Variants in MYH6 observed in about 807,000 individuals in gnomAD.
MYH6 encodes the protein myosin-6.
Under a neutral mutation model 223.2 loss-of-function variants are expected in MYH6, and 126 were observed. The observed-to-expected ratio is 0.56, with a 90% CI of 0.49 to 0.65. The LOEUF is 0.65. Among genes scored for constraint, MYH6 ranks in the 30% least tolerant of loss-of-function variants. The pLI is 0.00. For synonymous variants in MYH6, 978 were observed against 1,010.2 expected (o/e 0.97, Z 0.61); for missense variants, 2,040 against 2,536.4 (o/e 0.80, Z 4.20).
intron 25 of MYH6, among the ~76,000 whole-genome samples, chr14:23,392,208 T>G (rs951928489): frequency 3.7e-5 from 5 of 136,462 alleles, no homozygotes; most frequent in Non-Finnish European, 8.1e-5. Context: ...CCTTGAAGCC[T>G]TTTTTTTTTT....
intron 25 of MYH6, among the ~76,000 whole-genome samples, chr14:23,390,877 A>G (rs1231515671): frequency 6.6e-6 from 1 of 152,182 alleles, no homozygotes; most frequent in Non-Finnish European, 1.5e-5. Flanking sequence ...CTTGTATTTT[A>G]CAAATATTTG....
At chr14:23,396,643 A>G (rs1441848246) in intron 19 of MYH6, 51 bp downstream of exon 19, 1 of 1,613,882 alleles carries the variant, frequency 6.2e-7, no homozygotes, top group Non-Finnish European at 8.5e-7. Flanking sequence ...TCTCTGCTCC[A>G]CTCAACATGG....
chr14:23,389,998 G>A, intron 26 of MYH6, 59 bp downstream of exon 26: 1 of 1,613,062 alleles, frequency 6.2e-7, no homozygotes, highest in Non-Finnish European at 8.5e-7. Context: ...GAGAGAGAAG[G>A]CATGGGGGAG....
At position 23,388,399 on chromosome 14, in the gene MYH6, G is replaced by A. The variant is rs888115042; in HGVS notation, c.4176-61C>T. On this transcript the variant is annotated intron_variant, in intron 29 of 38. Coordinates refer to ENST00000405093, the MANE Select transcript of MYH6 (RefSeq NM_002471.4). ...CTACTGGGCAACACTGGAGCCTTGG[G>A]TGGACCTCCTTCCACCCCCTCCCTA... 4 of 1,602,898 alleles carry A rather than the reference G, an allele frequency of 2.5e-6. No individual in the cohort carries two copies. In the African/African-American group the frequency reaches 5.4e-5, roughly 21 times the overall value.
In MYH6 at chr14:23,405,668, G is replaced by T. The variant is rs762688602; in HGVS notation, c.304C>A (p.Leu102Ile). ...MLTFLHEPAVLFNLKERYAAW... is the reference protein window; with the variant it reads ...MLTFLHEPAVIFNLKERYAAW... Reference sequence around the variant, plus strand: ...GCGTAGCGCTCCTTGAGGTTGAAAAGCACCGCGGGCTCGTGCAGGAAGGTC... The same window carrying T: ...GCGTAGCGCTCCTTGAGGTTGAAAATCACCGCGGGCTCGTGCAGGAAGGTC... The change falls in exon 4 of 39, where the codon CTT becomes ATT. Residue 102 changes from leucine (L) to isoleucine (I), a missense_variant. Coordinates refer to ENST00000405093, the MANE Select transcript of MYH6 (RefSeq NM_002471.4). This position sits in a 1 kb window ranked among gnomAD's most constrained non-coding sequence, Gnocchi z 4.7. 9.9e-6 allele frequency: 16 copies of T among 1,614,200 alleles called. No homozygotes were observed. In the Admixed American group the frequency reaches 2.7e-4, roughly 27 times the overall value.
intron 34 of MYH6, 57 bp downstream of exon 34, chr14:23,385,871 G>T: frequency 6.2e-7 from 1 of 1,612,618 alleles, no homozygotes; most frequent in Non-Finnish European, 8.5e-7. Flanking sequence ...GGCTTTTCTA[G>T]ATGTCCTGGG....
chr14:23,406,900 C>T, intron 3 of MYH6, 123 bp downstream of exon 3: 1 of 1,090,548 alleles, frequency 9.2e-7, no homozygotes, highest in Non-Finnish European at 1.4e-6. Context: ...GGAGCATGTC[C>T]TGGCATCCCC....
chr14:23,404,900 T>C, intron 6 of MYH6, 78 bp from the exon 7 acceptor site: 3 of 1,518,812 alleles, frequency 2.0e-6, no homozygotes, highest in Non-Finnish European at 2.7e-6. Context: ...ATGCTCCCCT[T>C]CCCAGCCTGG....
At chr14:23,399,160 G>A in intron 14 of MYH6, 123 bp from the exon 15 acceptor site, 3 of 1,185,952 alleles carry the variant, frequency 2.5e-6, no homozygotes, top group African/African-American at 1.5e-5. Flanking sequence ...AAGGGGCGCT[G>A]TGCTGGTACC....
At chr14:23,393,231 A>G (rs1891291113) in intron 23 of MYH6, 111 bp downstream of exon 23, 12 of 1,519,264 alleles carry the variant, frequency 7.9e-6, no homozygotes, top group Admixed American at 5.1e-5. Flanking sequence ...CAGAGAGCAA[A>G]AAAGCTTCAG....
Position 23,405,796 on chromosome 14 carries a change from A to G in MYH6, c.202-26T>C, listed in dbSNP as rs1175252594. ...CTGGAGGGGGCGCATAAGCAGGAGG[A>G]TGAGTGACCACAATCCCTCCGGGAC... On this transcript the variant is annotated intron_variant, in intron 3 of 38. Transcript: ENST00000405093. This position sits in a 1 kb window ranked among gnomAD's most constrained non-coding sequence, Gnocchi z 4.7. The G allele has an allele frequency of 6.2e-7, 1 of 1,613,956 alleles. No homozygotes were observed. Among genetic ancestry groups the G allele is most frequent in the Non-Finnish European group, 8.5e-7 (1 of 1,179,958 alleles).
chr14:23,406,817 A>G (rs1891803090), intron 3 of MYH6, among the ~76,000 whole-genome samples: 2 of 152,172 alleles, frequency 1.3e-5, no homozygotes, highest in Admixed American at 1.3e-4. Flanking sequence ...GGCAGGGGGA[A>G]CATGGCCCTG....
chr14:23,386,766 A>G (rs1891040585), intron 32 of MYH6, 143 bp from the exon 33 acceptor site: 3 of 1,033,512 alleles, frequency 2.9e-6, no homozygotes, highest in Non-Finnish European at 4.2e-6. Context: ...TCTGCACCCC[A>G]TGCCCACCAC....
intron 3 of MYH6, among the ~76,000 whole-genome samples, chr14:23,406,417 G>C (rs535709536): frequency 6.6e-6 from 1 of 152,328 alleles, no homozygotes; most frequent in East Asian, 1.9e-4. Flanking sequence ...AAAAGCCCCA[G>C]GGGATTGTGG....
rs267606904 is a variant in MYH6, at chr14:23,392,968, C to G, written c.3195G>C (p.Gln1065His). 200 of 1,614,216 alleles carry G rather than the reference C, an allele frequency of 1.2e-4. No individual in the cohort carries two copies. Among genetic ancestry groups the G allele is most frequent in the East Asian group, 9.6e-4 (43 of 44,888 alleles). ...CATTTTCCAGGTCCATGATGCTCTC[C>G]TGGGTCAGCTTCAGGTCGCCCTCCA... is the stretch of plus-strand genomic sequence containing the variant. ...RKLEGDLKLTQESIMDLENDK... is the reference protein window; with the variant it reads ...RKLEGDLKLTHESIMDLENDK... Residue 1065 changes from glutamine to histidine, a missense_variant, in exon 24 of 39, where the codon CAG (glutamine) becomes CAC (histidine). Physicochemically the swap from Gln to His is conservative, Grantham distance 24. Transcript: ENST00000405093.
chr14:23,393,257 A>T, intron 23 of MYH6, 85 bp downstream of exon 23: 1 of 1,563,204 alleles, frequency 6.4e-7, no homozygotes, highest in Admixed American at 1.7e-5. Flanking sequence ...ATAGAAGTTA[A>T]TTCTAGGGAT....
At position 23,391,632 on chromosome 14, in the gene MYH6, G is replaced by A. The variant is rs975532743; in HGVS notation, c.3342+930C>T. On this transcript the variant is annotated intron_variant, in intron 25 of 38. Transcript: ENST00000405093. ...AGACTACCTCTTTCTACCAGCCACAGTCTGCCCCAAAGTGAGAGGACAAGG... is the reference window on the plus strand; with the variant it reads ...AGACTACCTCTTTCTACCAGCCACAATCTGCCCCAAAGTGAGAGGACAAGG... Among the ~76,000 whole-genome samples the A allele has an allele frequency of 3.9e-5, 6 of 152,332 alleles. No individual in the cohort carries two copies. The South Asian group carries it at 1.0e-3, about 26-fold the overall frequency.
In MYH6 at chr14:23,407,085, C is replaced by T. The variant is rs1891812147; in HGVS notation, c.139G>A (p.Val47Ile). 2.5e-6 allele frequency: 4 copies of T among 1,614,234 alleles called. No individual in the cohort carries two copies. The highest frequency in any genetic ancestry group is 3.4e-6 in the Non-Finnish European group (4 of 1,180,050). Residue 47 changes from valine to isoleucine, a missense_variant, in exon 3 of 39, where the codon GTC becomes ATC. Physicochemically the swap from Val to Ile is conservative, Grantham distance 29. Transcript: ENST00000405093. This position sits in a 1 kb window ranked among gnomAD's most constrained non-coding sequence, Gnocchi z 5.6. ...CFVPDDKEEF[V>I]KAKILSREGG... Reference sequence around the variant, plus strand: ...TCCCGGGACAAAATCTTGGCTTTGACAAACTCTTCCTTGTCATCGGGCACG... The same window carrying T: ...TCCCGGGACAAAATCTTGGCTTTGATAAACTCTTCCTTGTCATCGGGCACG...
chr14:23,397,946 CTT>C (rs1891461058), intron 15 of MYH6, among the ~76,000 whole-genome samples: 2 of 67,444 alleles, frequency 3.0e-5, no homozygotes, highest in African/African-American at 1.4e-4. Context: ...TCTTCTTCTT[CTT>C]CTTCTTCTTC....
Sources: allele counts gnomAD v4.1 joint callset (sites outside exome capture counted in the v4.1 genomes callset), GRCh38; gene constraint gnomAD v4.1.1; non-coding constraint Gnocchi (gnomAD v3.1); transcripts MANE v1.5; gene names NCBI Gene and HGNC (gene_info 2026-07-23, HGNC 2026-07-21).